The following KCNAB1 variants were observed in gnomAD, a reference collection of about 807,000 sequenced individuals.
The protein encoded by KCNAB1 is voltage-gated potassium channel subunit beta-1.
KCNAB1 carries 35 observed loss-of-function variants against 64.6 expected under a neutral mutation model. The ratio of observed to expected loss-of-function variants is 0.54; its 90% CI spans 0.41 to 0.72. The LOEUF is 0.72. Ranked by LOEUF, KCNAB1 falls within the 30% of genes least tolerant of loss-of-function variation. The probability of loss-of-function intolerance (pLI) is 0.00; values close to 1 mark genes in which losing one functional copy is unlikely to be tolerated. For synonymous variants in KCNAB1, 177 were observed against 183.8 expected, an observed-to-expected ratio of 0.96 and a Z score of 0.30; for missense variants, 401 against 512.9, an observed-to-expected ratio of 0.78 and a Z score of 2.11.
intron 1 of KCNAB1, among the ~76,000 whole-genome samples, chr3:156,297,872 G>C (rs1289312653): frequency 6.6e-6 from 1 of 151,992 alleles, no homozygotes; most frequent in Admixed American, 6.6e-5. Flanking sequence ...AGGAGAGCTA[G>C]CTCTGTGGCT....
At chr3:156,504,181 G>C (rs1023400820) in intron 8 of KCNAB1, among the ~76,000 whole-genome samples, 41 of 152,050 alleles carry the variant, frequency 2.7e-4, no homozygotes, top group Non-Finnish European at 2.8e-4. Context: ...TCTGCACCTG[G>C]CTTATTTCAC....
In KCNAB1 at chr3:156,516,478, C is replaced by T. The variant is rs74844742; in HGVS notation, c.960+114C>T. 6.2e-3 allele frequency: 4,828 copies of T among 783,128 alleles called. 287 individuals carry two copies. In the East Asian group the frequency reaches 0.1, roughly 17 times the overall value. 48.5% of individuals were successfully genotyped at this position (783,128 alleles called of 1,614,324 possible). A position where few individuals can be genotyped will look rare whatever the true frequency, so the allele number is the denominator to read the frequency against. ...CCCAGCTCAGGCTGACTGTGTTGTC[C>T]AGGCCAGTGGCCTCTGGCAGGTTCC... On this transcript the variant is annotated intron_variant, in intron 11 of 13. Transcript: ENST00000490337.
chr3:156,502,949 C>A lies in KCNAB1; in HGVS notation c.659-11415C>A, dbSNP rs1030077342. ...TGCCTTGCTCCAGATAAAATTTAAACTGATGGGTTTACTTTCATTTTGAGT... is the reference window on the plus strand; with the variant it reads ...TGCCTTGCTCCAGATAAAATTTAAAATGATGGGTTTACTTTCATTTTGAGT... On this transcript the variant is annotated intron_variant, in intron 8 of 13. Transcript: ENST00000490337. Among the ~76,000 whole-genome samples the A allele has an allele frequency of 3.3e-5, 5 of 152,266 alleles. No homozygotes were observed. In the East Asian group the frequency reaches 9.6e-4, roughly 29 times the overall value.
intron 1 of KCNAB1, among the ~76,000 whole-genome samples, chr3:156,238,577 C>A (rs2108445558): frequency 6.6e-6 from 1 of 152,222 alleles, no homozygotes; most frequent in Middle Eastern, 3.4e-3. Context: ...TCAAATGATT[C>A]TACAATTAGC....
chr3:156,162,990 A>G (rs1716169819), intron 1 of KCNAB1, among the ~76,000 whole-genome samples: 1 of 152,202 alleles, frequency 6.6e-6, no homozygotes, highest in African/African-American at 2.4e-5. Flanking sequence ...ATTGCAGAGG[A>G]ATTATAATTA....
chr3:156,422,269 T>C (rs911586574), intron 2 of KCNAB1, among the ~76,000 whole-genome samples: 4 of 152,222 alleles, frequency 2.6e-5, no homozygotes, highest in Non-Finnish European at 5.9e-5. Flanking sequence ...ACTGTGAGAC[T>C]TGGGGAGGCT....
At chr3:156,231,514 C>T (rs181424159) in intron 1 of KCNAB1, among the ~76,000 whole-genome samples, 1,842 of 135,170 alleles carry the variant, frequency 0.014, 57 homozygotes, top group African/African-American at 0.05. Context: ...CTCCCTCCCT[C>T]CCTTCCTCCC....
chr3:156,498,725 C>T (rs1243511009), intron 8 of KCNAB1, among the ~76,000 whole-genome samples: 1 of 152,228 alleles, frequency 6.6e-6, no homozygotes, highest in Non-Finnish European at 1.5e-5. Context: ...TCAGTTTACA[C>T]AATTCTGACT....
At chr3:156,357,618 T>A (rs1291196251) in intron 1 of KCNAB1, among the ~76,000 whole-genome samples, 1 of 152,098 alleles carries the variant, frequency 6.6e-6, no homozygotes, top group Non-Finnish European at 1.5e-5. Context: ...ATGTGTAAAT[T>A]TAAGTTTTCT....
chr3:156,233,111 C>A lies in KCNAB1; in HGVS notation c.275+112225C>A, dbSNP rs535650159. Among the ~76,000 whole-genome samples the A allele has an allele frequency of 2.6e-5, 4 of 152,278 alleles. No individual in the cohort carries two copies. In the South Asian group the frequency reaches 8.3e-4, roughly 32 times the overall value. On this transcript the variant is annotated intron_variant, in intron 1 of 13. Coordinates refer to ENST00000490337, the MANE Select transcript of KCNAB1 (RefSeq NM_172160.3). ...AATCTGCCAGGTACTGTTTTAGACA[C>A]TTTTGGGGCACAAAGGGGAATGAAT...
chr3:156,128,470 T>A lies in KCNAB1; in HGVS notation c.275+7584T>A, dbSNP rs187491294. On this transcript the variant is annotated intron_variant, in intron 1 of 13. Coordinates refer to ENST00000490337, the MANE Select transcript of KCNAB1 (RefSeq NM_172160.3). ...TTACTGACAGATATGTTTAATTTTT[T>A]AAAAAGTGTTCTTTAGTAGAAGGAG... Among the ~76,000 whole-genome samples the A allele has an allele frequency of 2.6e-3, 403 of 152,382 alleles. 8 individuals are homozygous for A. The East Asian group carries it at 0.039, about 15-fold the overall frequency.
chr3:156,470,921 C>T (rs758243152), intron 7 of KCNAB1, among the ~76,000 whole-genome samples: 6 of 152,198 alleles, frequency 3.9e-5, no homozygotes, highest in East Asian at 1.9e-4. Flanking sequence ...CGTTTTGTAA[C>T]GGGAGGCACA....
chr3:156,391,707 G>T (rs1273281985), intron 1 of KCNAB1, among the ~76,000 whole-genome samples: 2 of 152,174 alleles, frequency 1.3e-5, no homozygotes, highest in Non-Finnish European at 2.9e-5. Flanking sequence ...ACAGAACGGG[G>T]TTCCAGACCT....
intron 1 of KCNAB1, among the ~76,000 whole-genome samples, chr3:156,315,891 A>G (rs538488854): frequency 4.6e-5 from 7 of 152,358 alleles, no homozygotes; most frequent in African/African-American, 1.7e-4. Context: ...ACATTGAAAT[A>G]TGGGAAAATA....
In KCNAB1 at chr3:156,271,174, G is replaced by C. The variant is rs562461125; in HGVS notation, c.275+150288G>C. Among the ~76,000 whole-genome samples the C allele has an allele frequency of 3.9e-5, 6 of 152,178 alleles. No homozygotes were observed. The South Asian group carries it at 1.2e-3, about 32-fold the overall frequency. On this transcript the variant is annotated intron_variant, in intron 1 of 13. Transcript: ENST00000490337. ...AAGGTTTTGAGGTAGCCTTCTTTGG[G>C]TTAAATCTGCCTGGTGTTCTATAGC...
chr3:156,224,274 C>T (rs1051759507), intron 1 of KCNAB1, among the ~76,000 whole-genome samples: 5 of 152,362 alleles, frequency 3.3e-5, no homozygotes, highest in African/African-American at 7.2e-5. Flanking sequence ...CCGCAAGCAC[C>T]GCACGCAGCC....
chr3:156,118,425 T>A, upstream of KCNAB1: 2 of 398,172 alleles, frequency 5.0e-6, no homozygotes, highest in Admixed American at 2.8e-5. Flanking sequence ...GAATGTTACA[T>A]AGCACCACTT....
At chr3:156,512,550 A>C (rs1717283028) in intron 8 of KCNAB1, among the ~76,000 whole-genome samples, 1 of 152,242 alleles carries the variant, frequency 6.6e-6, no homozygotes. Context: ...CCCAGCTCTG[A>C]ATGACACAGG....
At chr3:156,178,187 C>T in intron 1 of KCNAB1, among the ~76,000 whole-genome samples, 1 of 152,200 alleles carries the variant, frequency 6.6e-6, no homozygotes, top group African/African-American at 2.4e-5. Context: ...TTCCGTGTTC[C>T]TGTGAACCTG....
Sources: allele counts gnomAD v4.1 joint callset (sites outside exome capture counted in the v4.1 genomes callset), GRCh38; gene constraint gnomAD v4.1.1; transcripts MANE v1.5; gene names NCBI Gene and HGNC (gene_info 2026-07-23, HGNC 2026-07-21).